KALRN: variants seen among roughly 807,000 people sequenced by gnomAD.
KALRN encodes the protein kalirin RhoGEF kinase.
Under a neutral mutation model 353.7 loss-of-function variants are expected in KALRN, and 70 were observed. That is an observed-to-expected ratio of 0.20 (90% CI 0.16 to 0.24). KALRN has a LOEUF of 0.24. Ranked by LOEUF, KALRN falls within the 10% of genes least tolerant of loss-of-function variation. KALRN has a pLI of 1.00. For synonymous variants in KALRN, 1,391 were observed against 1,434.8 expected, an observed-to-expected ratio of 0.97 and a Z score of 0.69; for missense variants, 2,791 against 3,756.7, an observed-to-expected ratio of 0.74 and a Z score of 6.72.
intron 15 of KALRN, among the ~76,000 whole-genome samples, chr3:124,430,271 T>A (rs1472649504): frequency 6.6e-6 from 1 of 152,222 alleles, no homozygotes; most frequent in Non-Finnish European, 1.5e-5. Flanking sequence ...TGTTGTTATT[T>A]GAACTGGACC....
chr3:124,293,804 A>T (rs1051759075), intron 5 of KALRN, among the ~76,000 whole-genome samples: 14 of 152,218 alleles, frequency 9.2e-5, no homozygotes, highest in African/African-American at 3.4e-4. Flanking sequence ...TTCTCAAAAA[A>T]CAAAGACAAG....
intron 10 of KALRN, among the ~76,000 whole-genome samples, chr3:124,369,580 T>C (rs1040712240): frequency 2.6e-5 from 4 of 152,242 alleles, no homozygotes; most frequent in Non-Finnish European, 1.5e-5. Context: ...TCACCTCACA[T>C]AGTTATCATT....
rs1318482341 is a variant in KALRN at position 124,694,510 on chromosome 3, C to T, written c.7577+7C>T. The T allele has an allele frequency of 7.4e-6, 12 of 1,612,096 alleles. No individual in the cohort carries two copies. The highest frequency in any genetic ancestry group is 4.5e-5 in the East Asian group (2 of 44,858). On this transcript the variant is annotated splice_region_variant and intron_variant, in intron 53 of 59. Transcript: ENST00000682506. ...CATACACGGTCTCCTCTTGGTAAGC[C>T]GATTGCCCTAACATCAGCAACAGCA...
intron 7 of KALRN, among the ~76,000 whole-genome samples, chr3:124,329,566 A>G (rs1402704006): frequency 2.6e-5 from 4 of 152,164 alleles, no homozygotes; most frequent in Non-Finnish European, 5.9e-5. Flanking sequence ...ATACCTGGAC[A>G]TTACAGTTAG....
chr3:124,533,466 A>AC (rs1383718833), intron 33 of KALRN, among the ~76,000 whole-genome samples: 2 of 151,994 alleles, frequency 1.3e-5, no homozygotes, highest in Admixed American at 6.6e-5. Context: ...ACATGGCAAA[A>AC]CCCCATCTCT....
intron 33 of KALRN, among the ~76,000 whole-genome samples, chr3:124,508,984 C>T (rs9853360): frequency 0.22 from 33,528 of 152,008 alleles, 3,914 homozygotes; most frequent in South Asian, 0.34. Flanking sequence ...CAAGCTTTTA[C>T]CTGTGTGTAC....
chr3:124,326,333 A>G (rs1485693374), intron 7 of KALRN, among the ~76,000 whole-genome samples, 162 bp downstream of exon 7: 1 of 152,146 alleles, frequency 6.6e-6, no homozygotes, highest in Non-Finnish European at 1.5e-5. Context: ...CCTATGTTCT[A>G]CCACTTTGAT....
At position 124,196,565 on chromosome 3, in the gene KALRN, G is replaced by A. The variant is rs370018115; in HGVS notation, c.74-31425G>A. ...GTCTTTCTTTTCTTCATTTCTGAGG[G>A]CAAAAGTAGTTTCCTATTCTTCTTG... is the stretch of plus-strand genomic sequence containing the variant. On this transcript the variant is annotated intron_variant, in intron 1 of 59. Transcript: ENST00000682506. Among the ~76,000 whole-genome samples the A allele has an allele frequency of 2.0e-4, 31 of 152,136 alleles. No individual in the cohort carries two copies. In the East Asian group the frequency reaches 2.1e-3, roughly 10 times the overall value.
At chr3:124,201,821 G>T (rs892747328) in intron 1 of KALRN, among the ~76,000 whole-genome samples, 2 of 152,252 alleles carry the variant, frequency 1.3e-5, no homozygotes, top group Non-Finnish European at 2.9e-5. Flanking sequence ...TGCAGCTAAG[G>T]GAGTGGTTCC....
chr3:124,495,965 G>GTGTGTATATATATA (rs1239001137), intron 32 of KALRN, among the ~76,000 whole-genome samples: 1 of 41,478 alleles, frequency 2.4e-5, no homozygotes. Flanking sequence ...GTGTATGTAT[G>GTGTGTATATATATA]TATATATATA....
chr3:124,066,629 C>T (rs1456580758), intron 1 of KALRN, among the ~76,000 whole-genome samples: 1 of 152,132 alleles, frequency 6.6e-6, no homozygotes. Context: ...ATGACAATGT[C>T]GGGAATAGGG....
intron 12 of KALRN, among the ~76,000 whole-genome samples, chr3:124,397,214 C>A (rs2090274552): frequency 6.6e-6 from 1 of 152,170 alleles, no homozygotes; most frequent in South Asian, 2.1e-4. Context: ...AAATACATAA[C>A]AGATAGCACT....
intron 1 of KALRN, among the ~76,000 whole-genome samples, chr3:124,096,984 A>G (rs564533778): frequency 1.3e-5 from 2 of 152,322 alleles, no homozygotes; most frequent in Admixed American, 6.5e-5. Flanking sequence ...ATTTCTATCT[A>G]TAGGGTTTTC....
At chr3:124,601,455 G>C (rs2076798548) in intron 34 of KALRN, among the ~76,000 whole-genome samples, 1 of 152,204 alleles carries the variant, frequency 6.6e-6, no homozygotes, top group Non-Finnish European at 1.5e-5. Flanking sequence ...CCCAGGTTTT[G>C]AGCCCTGGGA....
intron 9 of KALRN, among the ~76,000 whole-genome samples, chr3:124,344,143 T>A (rs2149528834): frequency 6.6e-6 from 1 of 152,360 alleles, no homozygotes; most frequent in African/African-American, 2.4e-5. Context: ...AATAAGATTA[T>A]AAGGAGTACC....
At chr3:124,548,295 T>A (rs2069975849) in intron 33 of KALRN, among the ~76,000 whole-genome samples, 1 of 152,234 alleles carries the variant, frequency 6.6e-6, no homozygotes, top group African/African-American at 2.4e-5. Context: ...TATGGTTGAC[T>A]TATATTTAAA....
intron 33 of KALRN, among the ~76,000 whole-genome samples, chr3:124,531,615 G>A (rs1262368580): frequency 6.6e-6 from 1 of 152,122 alleles, no homozygotes; most frequent in African/African-American, 2.4e-5. Flanking sequence ...AACTTACATG[G>A]CAGGAACAGG....
chr3:124,569,917 G>A (rs373953793), intron 34 of KALRN, among the ~76,000 whole-genome samples: 1 of 152,200 alleles, frequency 6.6e-6, no homozygotes, highest in African/African-American at 2.4e-5. Context: ...GGAGCAGAAT[G>A]ACTCCAAGGA....
At chr3:124,036,725 T>C (rs2039461104) in intron 1 of KALRN, among the ~76,000 whole-genome samples, 1 of 152,252 alleles carries the variant, frequency 6.6e-6, no homozygotes, top group Non-Finnish European at 1.5e-5. Flanking sequence ...CCTTTCTTTC[T>C]GATGGAAAAT....
Sources: allele counts gnomAD v4.1 joint callset (sites outside exome capture counted in the v4.1 genomes callset), GRCh38; gene constraint gnomAD v4.1.1; transcripts MANE v1.5; gene names NCBI Gene and HGNC (gene_info 2026-07-23, HGNC 2026-07-21).